GRID1: variants seen among roughly 807,000 people sequenced by gnomAD.
GRID1 encodes glutamate receptor ionotropic, delta-1.
Under a neutral mutation model 98.0 loss-of-function variants are expected in GRID1, and 28 were observed. The observed-to-expected ratio is 0.29, with a 90% CI of 0.21 to 0.39. The LOEUF is 0.39. Ranked by LOEUF, GRID1 falls within the 10% of genes least tolerant of loss-of-function variation. The probability of loss-of-function intolerance (pLI) is 1.00; values close to 1 mark genes in which losing one functional copy is unlikely to be tolerated. For synonymous variants in GRID1, 553 were observed against 538.5 expected, an observed-to-expected ratio of 1.03 and a Z score of -0.37; for missense variants, 1,111 against 1,340.5, an observed-to-expected ratio of 0.83 and a Z score of 2.67.
At chr10:85,933,077 G>C (rs1354917628) in intron 4 of GRID1, among the ~76,000 whole-genome samples, 2 of 152,108 alleles carry the variant, frequency 1.3e-5, no homozygotes, top group African/African-American at 4.8e-5. Flanking sequence ...CTCATGTATA[G>C]ATTAATGTCA....
intron 4 of GRID1, among the ~76,000 whole-genome samples, chr10:85,917,001 T>C (rs1030085472): frequency 2.6e-5 from 4 of 152,220 alleles, no homozygotes; most frequent in Admixed American, 6.5e-5. Flanking sequence ...CAGCAAACAT[T>C]GTTGATTATG....
chr10:86,185,055 C>A (rs1845709665), intron 3 of GRID1, among the ~76,000 whole-genome samples: 1 of 152,068 alleles, frequency 6.6e-6, no homozygotes, highest in African/African-American at 2.4e-5. Flanking sequence ...TACATTGAAT[C>A]TATAGATTAA....
intron 8 of GRID1, among the ~76,000 whole-genome samples, chr10:85,743,112 C>CA (rs1554828631): frequency 1.5e-5 from 2 of 132,054 alleles, no homozygotes; most frequent in East Asian, 5.5e-4. Flanking sequence ...GCAGCCCCCC[C>CA]CCCCACCACC....
intron 4 of GRID1, among the ~76,000 whole-genome samples, chr10:85,930,037 T>G (rs879328462): frequency 1.3e-5 from 2 of 152,242 alleles, no homozygotes; most frequent in Non-Finnish European, 2.9e-5. Context: ...TATTCACTAC[T>G]AAGCCAAATA....
At chr10:85,858,328 G>A (rs114942501) in intron 6 of GRID1, among the ~76,000 whole-genome samples, 312 of 152,258 alleles carry the variant, frequency 2.0e-3, no homozygotes, top group African/African-American at 7.3e-3. Flanking sequence ...CCTTCTTCAG[G>A]GGCCTGCAGC....
chr10:86,366,090 G>T lies in GRID1; in HGVS notation c.79+224C>A, dbSNP rs1201085549. ...GGCCCTAAGTGTCGGTAGAGGCCGC[G>T]GGGCCCCGCGCGGAGATCGGAGCCC... On this transcript the variant is annotated intron_variant, in intron 1 of 15. Transcript: ENST00000327946. This position sits in a 1 kb window ranked among gnomAD's most constrained non-coding sequence, Gnocchi z 4.1. 6.6e-6 allele frequency among the ~76,000 whole-genome samples: 1 copy of T among 151,980 alleles called. No homozygotes were observed. The highest frequency in any genetic ancestry group is 1.5e-5 in the Non-Finnish European group (1 of 67,946).
intron 8 of GRID1, among the ~76,000 whole-genome samples, chr10:85,821,516 C>CAAAAAAAAAAAAAAAAAAAAAAAAAAAA (rs1157209045): frequency 1.1e-4 from 1 of 9,104 alleles, no homozygotes; most frequent in Non-Finnish European, 2.7e-4. Flanking sequence ...GACTTCATCT[C>CAAAAAAAAAAAAAAAAAAAAAAAAAAAA]AAAAAAAAAA....
intron 12 of GRID1, among the ~76,000 whole-genome samples, chr10:85,689,582 G>GA (rs1268959941): frequency 1.3e-5 from 2 of 151,906 alleles, no homozygotes; most frequent in Non-Finnish European, 2.9e-5. Flanking sequence ...GCTATAATTG[G>GA]AAAAAAATCC....
chr10:86,236,558 A>C (rs1159822006), intron 2 of GRID1, among the ~76,000 whole-genome samples: 3 of 152,236 alleles, frequency 2.0e-5, no homozygotes, highest in African/African-American at 7.2e-5. Flanking sequence ...GACCCAGGAC[A>C]GCTTGAGCCC....
intron 4 of GRID1, among the ~76,000 whole-genome samples, chr10:86,010,903 G>A (rs1336170507): frequency 2.6e-5 from 4 of 151,886 alleles, no homozygotes; most frequent in African/African-American, 4.8e-5. Flanking sequence ...AGAAATATGC[G>A]CAAAATTAGG....
intron 4 of GRID1, among the ~76,000 whole-genome samples, chr10:85,932,213 T>C (rs888526321): frequency 7.9e-5 from 12 of 152,136 alleles, no homozygotes; most frequent in African/African-American, 2.9e-4. Context: ...CCTTCTTCCA[T>C]CCACTTTTTT....
At chr10:85,636,626 T>C (rs575742181) in intron 13 of GRID1, among the ~76,000 whole-genome samples, 3 of 152,108 alleles carry the variant, frequency 2.0e-5, no homozygotes, top group Non-Finnish European at 2.9e-5. Context: ...CAAATACCTA[T>C]GTACAAATAT....
chr10:85,810,668 C>T (rs973412729), intron 8 of GRID1, among the ~76,000 whole-genome samples: 5 of 152,128 alleles, frequency 3.3e-5, no homozygotes, highest in East Asian at 1.9e-4. Context: ...CTGCCCCGGC[C>T]GACATGCCCC....
intron 4 of GRID1, among the ~76,000 whole-genome samples, chr10:85,944,920 T>C (rs1032211284): frequency 2.0e-5 from 3 of 152,212 alleles, no homozygotes; most frequent in African/African-American, 7.2e-5. Context: ...TTGCAGAATA[T>C]TATAATACTG....
chr10:85,892,026 A>T (rs1841208425), intron 5 of GRID1, among the ~76,000 whole-genome samples: 1 of 151,964 alleles, frequency 6.6e-6, no homozygotes. Context: ...AAGATAGAGC[A>T]AAACATGCAT....
chr10:86,311,380 A>G (rs1195718448), intron 2 of GRID1, among the ~76,000 whole-genome samples: 2 of 152,232 alleles, frequency 1.3e-5, no homozygotes, highest in Non-Finnish European at 2.9e-5. Flanking sequence ...AGACCTAATC[A>G]GGACAGCAGA....
At chr10:86,212,674 A>G (rs1846123759) in intron 2 of GRID1, among the ~76,000 whole-genome samples, 1 of 152,172 alleles carries the variant, frequency 6.6e-6, no homozygotes, top group African/African-American at 2.4e-5. Flanking sequence ...AGCCACCCTC[A>G]TTATCTGTAC....
At chr10:86,104,557 T>A (rs918395133) in intron 4 of GRID1, among the ~76,000 whole-genome samples, 8 of 152,200 alleles carry the variant, frequency 5.3e-5, no homozygotes, top group Non-Finnish European at 1.2e-4. Flanking sequence ...ACAGGCAGCA[T>A]GACACAAAGG....
intron 8 of GRID1, among the ~76,000 whole-genome samples, chr10:85,745,669 A>G (rs1455007415): frequency 6.8e-6 from 1 of 146,580 alleles, no homozygotes; most frequent in Non-Finnish European, 1.5e-5. Flanking sequence ...ACATGTATAC[A>G]TATGTAACTA....
Sources: allele counts gnomAD v4.1 joint callset (sites outside exome capture counted in the v4.1 genomes callset), GRCh38; gene constraint gnomAD v4.1.1; non-coding constraint Gnocchi (gnomAD v3.1); transcripts MANE v1.5; gene names NCBI Gene and HGNC (gene_info 2026-07-23, HGNC 2026-07-21).